ZNF583: variants seen among roughly 807,000 people sequenced by gnomAD.
ZNF583 encodes zinc finger protein L3-5.
A neutral mutation model predicts 55.3 loss-of-function variants in ZNF583; 30 were observed. The ratio of observed to expected loss-of-function variants is 0.54; its 90% CI spans 0.41 to 0.74. ZNF583 has a LOEUF of 0.74. Ranked by LOEUF, ZNF583 falls within the 30% of genes least tolerant of loss-of-function variation. ZNF583 has a pLI of 0.00. For synonymous variants in ZNF583, 208 were observed against 220.0 expected (o/e 0.95, Z 0.48); for missense variants, 504 against 664.7 (o/e 0.76, Z 2.66).
chr19:56,419,186 G>C (rs998011365), intron 4 of ZNF583, among the ~76,000 whole-genome samples: 2 of 144,956 alleles, frequency 1.4e-5, no homozygotes, highest in African/African-American at 5.1e-5. Flanking sequence ...ACATTGGTCT[G>C]CAGGTTTACT....
chr19:56,409,702 G>A (rs2042208280), intron 2 of ZNF583, among the ~76,000 whole-genome samples: 1 of 152,104 alleles, frequency 6.6e-6, no homozygotes, highest in Non-Finnish European at 1.5e-5. Flanking sequence ...CTTGTAAGCA[G>A]CATATAACTG....
intron 4 of ZNF583, among the ~76,000 whole-genome samples, chr19:56,422,639 T>C (rs1298050961): frequency 1.3e-5 from 2 of 152,180 alleles, no homozygotes; most frequent in African/African-American, 4.8e-5. Context: ...TTAACTTAGA[T>C]ATAAAAAGAT....
At chr19:56,418,724 C>G (rs1414752039) in intron 4 of ZNF583, among the ~76,000 whole-genome samples, 1 of 147,966 alleles carries the variant, frequency 6.8e-6, no homozygotes, top group Non-Finnish European at 1.5e-5. Context: ...GTTTTTTTTT[C>G]CTTCTGATCC....
chr19:56,406,530 CTT>C (rs34274240), intron 1 of ZNF583, among the ~76,000 whole-genome samples: 6 of 115,234 alleles, frequency 5.2e-5, no homozygotes, highest in Admixed American at 9.8e-5. Context: ...ATGTTGTATT[CTT>C]TTTTTTTTTT....
intron 1 of ZNF583, among the ~76,000 whole-genome samples, chr19:56,406,082 C>T (rs983892921): frequency 6.6e-6 from 1 of 152,222 alleles, no homozygotes; most frequent in Non-Finnish European, 1.5e-5. Context: ...CTCCCTCTCT[C>T]CTTCTTTCTG....
chr19:56,414,269 C>T, intron 3 of ZNF583, 76 bp from the exon 4 acceptor site: 1 of 1,536,996 alleles, frequency 6.5e-7, no homozygotes, highest in Admixed American at 1.7e-5. Context: ...CCATTATTCT[C>T]CCACCTTCTT....
intron 1 of ZNF583, among the ~76,000 whole-genome samples, chr19:56,406,632 A>C (rs1038321328): frequency 7.0e-6 from 1 of 143,518 alleles, no homozygotes; most frequent in Non-Finnish European, 1.5e-5. Context: ...TCCTGGGTTC[A>C]CGCCATTCTC....
At chr19:56,410,920 GA>G (rs1045799664) in intron 2 of ZNF583, among the ~76,000 whole-genome samples, 13 of 152,008 alleles carry the variant, frequency 8.6e-5, no homozygotes, top group African/African-American at 3.1e-4. Flanking sequence ...TTGCTTTTAG[GA>G]GGTAGGGTGA....
chr19:56,415,666 C>T (rs2042309920), intron 4 of ZNF583, among the ~76,000 whole-genome samples: 1 of 152,150 alleles, frequency 6.6e-6, no homozygotes, highest in South Asian at 2.1e-4. Context: ...CAGGTTCAAG[C>T]AATTCTCCTG....
At chr19:56,419,841 C>T (rs920896906) in intron 4 of ZNF583, among the ~76,000 whole-genome samples, 2 of 152,010 alleles carry the variant, frequency 1.3e-5, no homozygotes, top group Non-Finnish European at 2.9e-5. Context: ...AATGATAACT[C>T]CTCTGGTGTT....
At chr19:56,416,223 G>A (rs1256330827) in intron 4 of ZNF583, among the ~76,000 whole-genome samples, 3 of 151,528 alleles carry the variant, frequency 2.0e-5, no homozygotes, top group African/African-American at 7.3e-5. Flanking sequence ...CTACTTAGGA[G>A]GCTGAGGCAG....
chr19:56,409,332 T>C (rs1053607118), intron 2 of ZNF583, among the ~76,000 whole-genome samples: 1 of 152,168 alleles, frequency 6.6e-6, no homozygotes, highest in Non-Finnish European at 1.5e-5. Context: ...CACCTCTTCT[T>C]TCCTGCTACT....
Position 56,426,979 on chromosome 19 carries a change from A to T in ZNF583, c.*2611A>T, listed in dbSNP as rs1160770175. 6.6e-6 allele frequency: 1 copy of T among 152,076 alleles called. No homozygotes were observed. Among genetic ancestry groups the T allele is most frequent in the Non-Finnish European group, 1.5e-5 (1 of 68,032 alleles). 9.4% of individuals were successfully genotyped at this position (152,076 alleles called of 1,614,324 possible). Reference sequence around the variant, plus strand: ...GTGAGGCTTTTGAGTGGATGAAATAATTTTGTAAAAGGCAAAACAGGGAAG... The same window carrying T: ...GTGAGGCTTTTGAGTGGATGAAATATTTTTGTAAAAGGCAAAACAGGGAAG... On this transcript the variant is annotated 3_prime_UTR_variant, in exon 5 of 5. Transcript: ENST00000333201.
rs2042474846 is a variant in ZNF583 at position 56,424,533 on chromosome 19, A to T, written c.*165A>T. The T allele has an allele frequency of 7.5e-6, 4 of 531,992 alleles. No homozygotes were observed. Among genetic ancestry groups the T allele is most frequent in the African/African-American group, 5.7e-5 (3 of 52,478 alleles). 33.0% of individuals were successfully genotyped at this position (531,992 alleles called of 1,614,324 possible). A position where few individuals can be genotyped will look rare whatever the true frequency, so the allele number is the denominator to read the frequency against. On this transcript the variant is annotated 3_prime_UTR_variant, in exon 5 of 5. Transcript: ENST00000333201. ...ACATTGCAACCAAATTTGTATTTTT[A>T]AAAATATGTTTAATCTCATTTCTCC...
chr19:56,423,298 T>C lies in ZNF583; in HGVS notation c.640T>C (p.Cys214Arg), dbSNP rs2042448674. The C allele has an allele frequency of 6.2e-7, 1 of 1,609,118 alleles. No homozygotes were observed. Among genetic ancestry groups the C allele is most frequent in the Admixed American group, 1.7e-5 (1 of 58,740 alleles). ...KVYVEKKLLKCNDCEKVFNQS... is the reference protein window; with the variant it reads ...KVYVEKKLLKRNDCEKVFNQS... ...CTATGTAGAAAAGAAACTTTTGAAA[T>C]GTAATGATTGTGAGAAAGTCTTCAA... The change falls in exon 5 of 5, where the codon TGT (cysteine) becomes CGT (arginine). Residue 214 changes from cysteine (C) to arginine (R), a missense_variant. Physicochemically the swap from Cys to Arg is radical, Grantham distance 180 (BLOSUM62 -3). Coordinates refer to ENST00000333201, the MANE Select transcript of ZNF583 (RefSeq NM_152478.3).
chr19:56,425,135 T>C lies in ZNF583; in HGVS notation c.*767T>C, dbSNP rs1331664003. The C allele has an allele frequency of 6.6e-6, 1 of 151,940 alleles. No individual in the cohort carries two copies. The highest frequency in any genetic ancestry group is 1.5e-5 in the Non-Finnish European group (1 of 67,994). 9.4% of individuals were successfully genotyped at this position (151,940 alleles called of 1,614,324 possible). A position where few individuals can be genotyped will look rare whatever the true frequency, so the allele number is the denominator to read the frequency against. On this transcript the variant is annotated 3_prime_UTR_variant, in exon 5 of 5. Coordinates refer to ENST00000333201, the MANE Select transcript of ZNF583 (RefSeq NM_152478.3). ...ACAGTAGGATTTACATTAGAGTCCA[T>C]GATATAGGGTAAGATGGTGGCTTGT...
In ZNF583 at chr19:56,407,143, C is replaced by T. The variant is rs768914511; in HGVS notation, c.9+20C>T. The stretch of plus-strand genomic sequence containing the variant: ...TCCAAGGTAAGGAAGCATTTCTTCT[C>T]TCTTCCCTAAAATGCCATCTTATTT... On this transcript the variant is annotated intron_variant, in intron 2 of 4. Transcript: ENST00000333201. 2 of 1,613,744 alleles carry T rather than the reference C, an allele frequency of 1.2e-6. No homozygotes were observed. Among genetic ancestry groups the T allele is most frequent in the African/African-American group, 1.3e-5 (1 of 74,924 alleles).
At chr19:56,414,243 A>G in intron 3 of ZNF583, 102 bp from the exon 4 acceptor site, 1 of 1,503,092 alleles carries the variant, frequency 6.7e-7, no homozygotes, top group Non-Finnish European at 9.2e-7. Context: ...CCCCATTCTT[A>G]TTCCTCAGCT....
chr19:56,414,503 GATTTCAGTTCATA>G, intron 4 of ZNF583, 63 bp downstream of exon 4: 1 of 1,478,178 alleles, frequency 6.8e-7, no homozygotes, highest in Non-Finnish European at 9.3e-7. Flanking sequence ...AATTCTGAAA[GATTTCAGTTCATA>G]ATTGACGTTT....
Sources: allele counts gnomAD v4.1 joint callset (sites outside exome capture counted in the v4.1 genomes callset), GRCh38; gene constraint gnomAD v4.1.1; transcripts MANE v1.5; gene names NCBI Gene and HGNC (gene_info 2026-07-23, HGNC 2026-07-21).